SLC17A2: variants seen among roughly 807,000 people sequenced by gnomAD.
SLC17A2 encodes the protein sodium-dependent phosphate transport protein 3.
Under a neutral mutation model 52.1 loss-of-function variants are expected in SLC17A2, and 38 were observed. The observed-to-expected ratio is 0.73, with a 90% confidence interval of 0.56 to 0.96. The LOEUF (loss-of-function observed/expected upper bound fraction) is 0.96, where lower values mean the gene tolerates loss of function less well. Ranked by LOEUF, SLC17A2 falls within the 40% of genes least tolerant of loss-of-function variation. SLC17A2 has a pLI of 0.00. For synonymous variants in SLC17A2, 226 were observed against 211.9 expected (o/e 1.07, Z -0.58); for missense variants, 508 against 583.9 (o/e 0.87, Z 1.34).
chr6:25,914,518 G>T, intron 11 of SLC17A2, 62 bp downstream of exon 11: 1 of 1,017,726 alleles, frequency 9.8e-7, no homozygotes, highest in Non-Finnish European at 1.6e-6. Context: ...AGAGCACCGT[G>T]TGTATCTCCA....
At chr6:25,913,800 T>TGC (rs1766196042) in intron 11 of SLC17A2, among the ~76,000 whole-genome samples, 1 of 150,352 alleles carries the variant, frequency 6.7e-6, no homozygotes, top group Admixed American at 6.6e-5. Context: ...TTGTTGCTGT[T>TGC]TGTTTTGTTT....
At chr6:25,928,448 T>C (rs1041665640) in intron 1 of SLC17A2, among the ~76,000 whole-genome samples, 5 of 152,198 alleles carry the variant, frequency 3.3e-5, no homozygotes, top group African/African-American at 1.2e-4. Context: ...GTTACTGGAA[T>C]TGTATCACAA....
chr6:25,928,909 A>G (rs1045679251), intron 1 of SLC17A2, among the ~76,000 whole-genome samples: 1 of 152,188 alleles, frequency 6.6e-6, no homozygotes, highest in African/African-American at 2.4e-5. Flanking sequence ...AATTAAGTTA[A>G]AGGAAAATGT....
intron 5 of SLC17A2, 145 bp downstream of exon 5, chr6:25,920,861 C>A: frequency 1.5e-6 from 1 of 689,550 alleles, no homozygotes; most frequent in Non-Finnish European, 2.5e-6. Flanking sequence ...ATGCATCTTT[C>A]CTATTTGTGA....
intron 5 of SLC17A2, among the ~76,000 whole-genome samples, chr6:25,920,223 G>A (rs921297082): frequency 6.6e-6 from 1 of 152,178 alleles, no homozygotes; most frequent in African/African-American, 2.4e-5. Flanking sequence ...GCTGTGTAGT[G>A]GACCTAGGAG....
At position 25,914,612 on chromosome 6, in the gene SLC17A2, A is replaced by C; in HGVS notation, c.1270T>G (p.Ser424Ala). Residue 424 changes from serine (S) to alanine (A), a missense_variant, in exon 11 of 12, where the codon TCT becomes GCT. Coordinates refer to ENST00000377850, the MANE Select transcript of SLC17A2 (RefSeq NM_001286123.3). ...ATGAGGAATCCAGTGGCAGTGGAAG[A>C]GATGATTCCTGCGATGAGCCCAAAT... ...RGFGLIAGIISSTATGFLISQ... is the reference protein window; with the variant it reads ...RGFGLIAGIIASTATGFLISQ... 1 of 1,613,188 alleles carries C rather than the reference A, an allele frequency of 6.2e-7. No homozygotes were observed. The highest frequency in any genetic ancestry group is 8.5e-7 in the Non-Finnish European group (1 of 1,179,100).
chr6:25,928,008 G>A (rs1444536546), intron 1 of SLC17A2, among the ~76,000 whole-genome samples: 3 of 152,110 alleles, frequency 2.0e-5, no homozygotes, highest in Non-Finnish European at 4.4e-5. Flanking sequence ...ACATGCAGCT[G>A]CAATTACTTA....
rs199742 is a variant in SLC17A2, at chr6:25,925,683, G to A, written c.28+86C>T. On this transcript the variant is annotated intron_variant, in intron 2 of 11. Coordinates refer to ENST00000377850, the MANE Select transcript of SLC17A2 (RefSeq NM_001286123.3). Reference sequence around the variant, plus strand: ...TTACACTGGGAGTATCTTTACGAAGGGTCAGTGTGATGCAGAGATGTGTAA... The same window carrying A: ...TTACACTGGGAGTATCTTTACGAAGAGTCAGTGTGATGCAGAGATGTGTAA... The A allele has an allele frequency of 0.012, 14,754 of 1,206,050 alleles. 1,002 individuals are homozygous for A. The African/African-American group carries it at 0.17, about 14-fold the overall frequency. The allele number at this position is 1,206,050 out of a possible 1,614,324, so 74.7% of individuals were successfully genotyped here.
At chr6:25,920,181 G>C (rs925921635) in intron 5 of SLC17A2, among the ~76,000 whole-genome samples, 1 of 152,320 alleles carries the variant, frequency 6.6e-6, no homozygotes, top group South Asian at 2.1e-4. Context: ...GAACGCAGGA[G>C]GGTTGCTTGA....
chr6:25,913,474 A>G (rs771140646), intron 11 of SLC17A2, 23 bp from the exon 12 acceptor site: 2 of 1,611,810 alleles, frequency 1.2e-6, no homozygotes, highest in Non-Finnish European at 8.5e-7. Context: ...AACAGAGAAA[A>G]TGATCAATCT....
chr6:25,929,459 C>A (rs1766875867), intron 1 of SLC17A2, among the ~76,000 whole-genome samples: 1 of 152,130 alleles, frequency 6.6e-6, no homozygotes, highest in Non-Finnish European at 1.5e-5. Context: ...TAAATACAGG[C>A]CTACAGCAAA....
chr6:25,918,089 G>A (rs1358347609), intron 6 of SLC17A2, among the ~76,000 whole-genome samples: 1 of 152,182 alleles, frequency 6.6e-6, no homozygotes, highest in Non-Finnish European at 1.5e-5. Flanking sequence ...AAGGCATCTT[G>A]GACAGAAATA....
chr6:25,923,918 C>T lies in SLC17A2; in HGVS notation c.29-12G>A. 1 of 1,609,246 alleles carries T rather than the reference C, an allele frequency of 6.2e-7. No individual in the cohort carries two copies. Among genetic ancestry groups the T allele is most frequent in the Non-Finnish European group, 8.5e-7 (1 of 1,176,196 alleles). On this transcript the variant is annotated splice_polypyrimidine_tract_variant and intron_variant, in intron 2 of 11. Transcript: ENST00000377850. ...ACAGAAATCTGGACCTAGACAACAACACAGATGTATGTAGTGAGCATCCTG... is the reference window on the plus strand; with the variant it reads ...ACAGAAATCTGGACCTAGACAACAATACAGATGTATGTAGTGAGCATCCTG...
chr6:25,925,664 T>C (rs1766736300), intron 2 of SLC17A2, 105 bp downstream of exon 2: 2 of 1,047,986 alleles, frequency 1.9e-6, no homozygotes. Flanking sequence ...AATGTTACAC[T>C]GGGAGTATCT....
At chr6:25,921,474 T>G in intron 3 of SLC17A2, 62 bp from the exon 4 acceptor site, 1 of 1,223,806 alleles carries the variant, frequency 8.2e-7, no homozygotes, top group Non-Finnish European at 1.2e-6. Flanking sequence ...TACTTTACAG[T>G]CAGAGTTGCT....
intron 11 of SLC17A2, among the ~76,000 whole-genome samples, chr6:25,913,888 T>C (rs1234579045): frequency 6.6e-6 from 1 of 152,180 alleles, no homozygotes; most frequent in Non-Finnish European, 1.5e-5. Context: ...TTTGGTCTTC[T>C]GTGTGACCCT....
At chr6:25,919,402 T>C (rs1225725973) in intron 5 of SLC17A2, among the ~76,000 whole-genome samples, 3 of 152,038 alleles carry the variant, frequency 2.0e-5, no homozygotes, top group East Asian at 1.9e-4. Flanking sequence ...AAATTGATAA[T>C]AATTATAAGA....
At chr6:25,924,020 C>CT in intron 2 of SLC17A2, 114 bp from the exon 3 acceptor site, 2 of 812,146 alleles carry the variant, frequency 2.5e-6, no homozygotes, top group East Asian at 2.6e-5. Context: ...GTCTCATTGT[C>CT]TTTTTTTCAC....
chr6:25,917,645 A>G (rs1766379551), intron 6 of SLC17A2, among the ~76,000 whole-genome samples: 1 of 152,264 alleles, frequency 6.6e-6, no homozygotes, highest in Admixed American at 6.5e-5. Flanking sequence ...ATCATTAATG[A>G]GAAAGCCATT....
Sources: gnomAD v4.1 joint callset for allele counts (sites outside exome capture counted in the v4.1 genomes callset) on GRCh38, gnomAD v4.1.1 for gene constraint, MANE v1.5 for transcripts, NCBI Gene and HGNC (gene_info 2026-07-23, HGNC 2026-07-21) for gene names.